KIF26A: variants seen among roughly 807,000 people sequenced by gnomAD.
KIF26A encodes kinesin family member 26A.
Under a neutral mutation model 126.0 loss-of-function variants are expected in KIF26A, and 74 were observed. The observed-to-expected ratio is 0.59, with a 90% CI of 0.49 to 0.71. The LOEUF is 0.71. KIF26A is among the 30% of genes least tolerant of loss of function. KIF26A has a pLI of 0.00. For missense variants in KIF26A, 2,984 were observed against 2,763.3 expected (o/e 1.08, Z -1.79); for synonymous variants, 1,445 against 1,232.7 (o/e 1.17, Z -3.61).
chr14:104,143,152 C>A (rs1202963377), intron 2 of KIF26A, among the ~76,000 whole-genome samples: 1 of 152,256 alleles, frequency 6.6e-6, no homozygotes, highest in Non-Finnish European at 1.5e-5. Context: ...AGCTCCCGTG[C>A]ATCTCTTGCT....
At position 104,174,274 on chromosome 14, in the gene KIF26A, C is replaced by T. The variant is rs368667883; in HGVS notation, c.2157C>T (p.Ala719=). The change falls in exon 11 of 15, where the codon GCC becomes GCT. Residue 719 remains alanine, a synonymous_variant. Transcript: ENST00000423312. ...AGACACTCAGCACCGTGCAGCTCGC[C>T]GCCCGCATCCACCGCCTGCGCAGGA... The part of the protein sequence containing the change: ...HAETLSTVQL[A]ARIHRLRRKK... 2.6e-4 allele frequency: 408 copies of T among 1,561,370 alleles called. No homozygotes were observed. The highest frequency in any genetic ancestry group is 7.0e-4 in the African/African-American group (51 of 73,206).
Position 104,179,511 on chromosome 14 carries a change from G to A in KIF26A, c.5468-98G>A, listed in dbSNP as rs560187056. The A allele has an allele frequency of 2.2e-4, 310 of 1,427,148 alleles. 1 individual carries two copies. The highest frequency in any genetic ancestry group is 1.0e-3 in the Middle Eastern group (4 of 3,878). 88.4% of individuals were successfully genotyped at this position (1,427,148 alleles called of 1,614,324 possible). ...GGAAGGCTGGAAGGCAGGGTCGGCCGGGCCAAGATGCCTTTCCTGGGGCCT... is the reference window on the plus strand; with the variant it reads ...GGAAGGCTGGAAGGCAGGGTCGGCCAGGCCAAGATGCCTTTCCTGGGGCCT... On this transcript the variant is annotated intron_variant, in intron 14 of 14. Transcript: ENST00000423312.
chr14:104,147,639 C>T (rs993073526), intron 2 of KIF26A, among the ~76,000 whole-genome samples: 10 of 152,214 alleles, frequency 6.6e-5, no homozygotes, highest in Admixed American at 3.9e-4. Flanking sequence ...CTGCACCAGA[C>T]GTGGAAATGT....
chr14:104,160,697 A>G (rs1391372297), intron 4 of KIF26A, among the ~76,000 whole-genome samples: 2 of 152,150 alleles, frequency 1.3e-5, no homozygotes, highest in African/African-American at 4.8e-5. Context: ...AACTCTGATG[A>G]CGCTGTCTGA....
rs1204250844 is a variant in KIF26A at position 104,173,143 on chromosome 14, C to T, written c.1587C>T (p.Ser529=). 1 of 1,610,308 alleles carries T rather than the reference C, an allele frequency of 6.2e-7. No homozygotes were observed. Among genetic ancestry groups the T allele is most frequent in the Admixed American group, 1.7e-5 (1 of 59,694 alleles). Reference sequence around the variant, plus strand: ...TGGAGGTGTGCGGGCGCGACCAGAGCCTGCGGGACCTGCTGGCCGAGGTGG... The same window carrying T: ...TGGAGGTGTGCGGGCGCGACCAGAGTCTGCGGGACCTGCTGGCCGAGGTGG... ...SAVEVCGRDQ[S]LRDLLAEVAP... is the part of the protein sequence containing the mutation. The change falls in exon 8 of 15, where the codon AGC becomes AGT. Residue 529 remains serine (S), a synonymous_variant. Transcript: ENST00000423312.
Position 104,152,998 on chromosome 14 carries a change from T to G in KIF26A, c.735+537T>G, listed in dbSNP as rs1445128798. ...AGCCGTGTTTCTGCCTGGTACACTG[T>G]CTAGTCACCACACAGCGACCAGCAC... On this transcript the variant is annotated intron_variant, in intron 3 of 14. Transcript: ENST00000423312. The surrounding 1 kb of genome is among the most constrained non-coding windows in gnomAD (Gnocchi z 5.9). Among the ~76,000 whole-genome samples, 1 of 152,074 alleles carries G rather than the reference T, an allele frequency of 6.6e-6. No homozygotes were observed. Among genetic ancestry groups the G allele is most frequent in the Non-Finnish European group, 1.5e-5 (1 of 67,984 alleles).
intron 4 of KIF26A, among the ~76,000 whole-genome samples, chr14:104,165,851 G>GTATGCA (rs1185505831): frequency 5.3e-5 from 8 of 152,092 alleles, no homozygotes; most frequent in African/African-American, 1.9e-4. Context: ...GTGTGTGTCT[G>GTATGCA]TGTGTGTCTC....
chr14:104,153,093 C>T (rs1223918685), intron 3 of KIF26A, among the ~76,000 whole-genome samples: 2 of 152,134 alleles, frequency 1.3e-5, no homozygotes, highest in Non-Finnish European at 2.9e-5. Context: ...TGCAGAGACC[C>T]CGTAGTCTCT....
intron 2 of KIF26A, among the ~76,000 whole-genome samples, chr14:104,144,145 C>T (rs1042925523): frequency 1.2e-4 from 18 of 152,294 alleles, no homozygotes; most frequent in African/African-American, 2.9e-4. Flanking sequence ...GTGGAGGGCA[C>T]GTCCTTGTGC....
Position 104,179,400 on chromosome 14 carries a change from G to T in KIF26A, c.5467+14G>T, listed in dbSNP as rs545097501. The T allele has an allele frequency of 1.3e-6, 2 of 1,489,126 alleles. No homozygotes were observed. Among genetic ancestry groups the T allele is most frequent in the East Asian group, 2.5e-5 (1 of 40,112 alleles). 92.2% of individuals were successfully genotyped at this position (1,489,126 alleles called of 1,614,324 possible). On this transcript the variant is annotated intron_variant, in intron 14 of 14. Coordinates refer to ENST00000423312, the MANE Select transcript of KIF26A (RefSeq NM_015656.2). ...GGCTGGAGCAGTGTGAGTCCCGCCC[G>T]CCCACGGACCCAGCCCGGCCCACCG...
Position 104,180,023 on chromosome 14 carries a change from C to A in KIF26A, c.*233C>A. 1 of 450,558 alleles carries A rather than the reference C, an allele frequency of 2.2e-6. No homozygotes were observed. Among genetic ancestry groups the A allele is most frequent in the Non-Finnish European group, 3.9e-6 (1 of 257,884 alleles). 27.9% of individuals were successfully genotyped at this position (450,558 alleles called of 1,614,324 possible). On this transcript the variant is annotated 3_prime_UTR_variant, in exon 15 of 15. Coordinates refer to ENST00000423312, the MANE Select transcript of KIF26A (RefSeq NM_015656.2). Reference sequence around the variant, plus strand: ...TCACCACCCGACAGCAACGCAAGTGCCTTTGACCTTGATTTGGACTTTTCT... The same window carrying A: ...TCACCACCCGACAGCAACGCAAGTGACTTTGACCTTGATTTGGACTTTTCT...
chr14:104,147,926 G>A (rs1179884198), intron 2 of KIF26A, among the ~76,000 whole-genome samples: 1 of 152,188 alleles, frequency 6.6e-6, no homozygotes, highest in African/African-American at 2.4e-5. Flanking sequence ...TTGTGGAGAC[G>A]GGTGATGGGG....
chr14:104,152,119 C>G lies in KIF26A; in HGVS notation c.393C>G (p.His131Gln). The G allele has an allele frequency of 6.2e-7, 1 of 1,612,362 alleles. No individual in the cohort carries two copies. The highest frequency in any genetic ancestry group is 8.5e-7 in the Non-Finnish European group (1 of 1,179,756). ...AERRCDVCATHLQQLTREAMH... is the reference protein window; with the variant it reads ...AERRCDVCATQLQQLTREAMH... ...GCCGCTGTGACGTCTGCGCCACACACCTGCAGCAGCTCACACGGGAGGCCA... is the reference window on the plus strand; with the variant it reads ...GCCGCTGTGACGTCTGCGCCACACAGCTGCAGCAGCTCACACGGGAGGCCA... Residue 131 changes from histidine to glutamine, a missense_variant, in exon 3 of 15, where the codon CAC becomes CAG. Coordinates refer to ENST00000423312, the MANE Select transcript of KIF26A (RefSeq NM_015656.2). This position sits in a 1 kb window ranked among gnomAD's most constrained non-coding sequence, Gnocchi z 5.9.
intron 4 of KIF26A, among the ~76,000 whole-genome samples, chr14:104,165,986 G>C (rs568297407): frequency 6.6e-6 from 1 of 152,156 alleles, no homozygotes; most frequent in Non-Finnish European, 1.5e-5. Context: ...CCTGTGGTCC[G>C]GGGGCTTTGG....
At chr14:104,166,178 G>GCAGGAGCC (rs11281316) in intron 4 of KIF26A, among the ~76,000 whole-genome samples, 1,487 of 138,574 alleles carry the variant, frequency 0.011, 15 homozygotes, top group African/African-American at 0.03. Context: ...GACGAGGGTG[G>GCAGGAGCC]CAGGGGCCCA....
chr14:104,146,466 T>C (rs1434399573), intron 2 of KIF26A, among the ~76,000 whole-genome samples: 3 of 151,962 alleles, frequency 2.0e-5, no homozygotes, highest in Non-Finnish European at 4.4e-5. Flanking sequence ...CTCATCCCTG[T>C]GCCTACCGAG....
chr14:104,171,844 C>G lies in KIF26A; in HGVS notation c.1235C>G (p.Pro412Arg). ...ATCCTCTACGATCCCGCCGCCGGTC[C>G]CCCAGGCAGCGCAGGCCCCCGGCGA... ...QVILYDPAAG[P>R]PGSAGPRRAA... The change falls in exon 6 of 15, where the codon CCC becomes CGC. Residue 412 changes from proline to arginine, a missense_variant. Physicochemically the swap from Pro to Arg is moderately radical, Grantham distance 103. Coordinates refer to ENST00000423312, the MANE Select transcript of KIF26A (RefSeq NM_015656.2). 1 of 1,556,250 alleles carries G rather than the reference C, an allele frequency of 6.4e-7. No homozygotes were observed. The highest frequency in any genetic ancestry group is 8.7e-7 in the Non-Finnish European group (1 of 1,151,148).
chr14:104,159,486 T>A (rs1228187462), intron 4 of KIF26A, among the ~76,000 whole-genome samples: 2 of 152,104 alleles, frequency 1.3e-5, no homozygotes, highest in African/African-American at 4.8e-5. Context: ...AAGGGTAGGG[T>A]GTCGGCCCCC....
intron 5 of KIF26A, among the ~76,000 whole-genome samples, chr14:104,168,704 T>A (rs1253574536): frequency 6.6e-6 from 1 of 152,166 alleles, no homozygotes; most frequent in African/African-American, 2.4e-5. Flanking sequence ...GGTTTCCGTT[T>A]GTGGTAAGGA....
Sources: allele counts gnomAD v4.1 joint callset (sites outside exome capture counted in the v4.1 genomes callset), GRCh38; gene constraint gnomAD v4.1.1; non-coding constraint Gnocchi (gnomAD v3.1); transcripts MANE v1.5; gene names NCBI Gene and HGNC (gene_info 2026-07-23, HGNC 2026-07-21).